The following DLG2 variants were observed in gnomAD, a reference collection of about 807,000 sequenced individuals.
The protein encoded by DLG2 is disks large homolog 2.
A neutral mutation model predicts 132.5 loss-of-function variants in DLG2; 45 were observed. The ratio of observed to expected loss-of-function variants is 0.34; its 90% confidence interval spans 0.27 to 0.44. The LOEUF is 0.44. Among genes scored for constraint, DLG2 ranks in the 20% least tolerant of loss-of-function variants. The pLI is 1.00. For synonymous variants in DLG2, 424 were observed against 419.6 expected (o/e 1.01, Z -0.13); for missense variants, 1,045 against 1,196.9 (o/e 0.87, Z 1.87).
rs534542429 is a variant in DLG2, at chr11:84,805,052, C to CA, written c.358-270322dup. On this transcript the variant is annotated intron_variant, in intron 6 of 27. Transcript: ENST00000376104. ...GAGAGTCAGAACTTTCATACCTGCC[C>CA]AAGAGTAAAAGTATTGCACCTTCCC... Among the ~76,000 whole-genome samples, 30 of 152,192 alleles carry CA rather than the reference C, an allele frequency of 2.0e-4. 1 individual carries two copies. The East Asian group carries it at 4.6e-3, about 23-fold the overall frequency.
intron 6 of DLG2, among the ~76,000 whole-genome samples, chr11:84,573,055 G>A (rs2099489554): frequency 6.6e-6 from 1 of 152,082 alleles, no homozygotes; most frequent in African/African-American, 2.4e-5. Context: ...AAATCTACTT[G>A]ACATATATTT....
intron 7 of DLG2, among the ~76,000 whole-genome samples, chr11:84,255,805 C>G (rs951081258): frequency 6.6e-6 from 1 of 151,894 alleles, no homozygotes. Flanking sequence ...TCTTTATATA[C>G]ATCTAGGCAA....
intron 18 of DLG2, among the ~76,000 whole-genome samples, chr11:83,746,634 A>T (rs1593527217): frequency 6.6e-6 from 1 of 152,200 alleles, no homozygotes; most frequent in East Asian, 1.9e-4. Context: ...GTAAATGACG[A>T]GTTACTGGGT....
chr11:84,306,340 G>T (rs1368352990), intron 7 of DLG2, among the ~76,000 whole-genome samples: 1 of 151,978 alleles, frequency 6.6e-6, no homozygotes, highest in East Asian at 1.9e-4. Flanking sequence ...CTATTAACAG[G>T]AGTCTCAAAT....
intron 3 of DLG2, among the ~76,000 whole-genome samples, chr11:85,330,737 C>T (rs1397308009): frequency 1.7e-5 from 2 of 114,842 alleles, no homozygotes; most frequent in Non-Finnish European, 1.8e-5. Flanking sequence ...TGTAACTAAC[C>T]TGCACAATGT....
At chr11:84,236,090 A>C (rs530668449) in intron 8 of DLG2, among the ~76,000 whole-genome samples, 1 of 151,556 alleles carries the variant, frequency 6.6e-6, no homozygotes, top group African/African-American at 2.4e-5. Context: ...GAGCTTAAGT[A>C]ATTTCCTCAA....
At chr11:84,484,620 G>T (rs1449492044) in intron 7 of DLG2, among the ~76,000 whole-genome samples, 4 of 152,116 alleles carry the variant, frequency 2.6e-5, no homozygotes, top group Admixed American at 2.0e-4. Flanking sequence ...TTCATCTCCA[G>T]CAGTATCTTG....
intron 21 of DLG2, among the ~76,000 whole-genome samples, chr11:83,499,774 C>A (rs1297417155): frequency 7.1e-6 from 1 of 139,930 alleles, no homozygotes; most frequent in Non-Finnish European, 1.5e-5. Context: ...AATAAACTCC[C>A]ATATATATAT....
intron 3 of DLG2, among the ~76,000 whole-genome samples, chr11:85,505,519 A>G (rs2093909502): frequency 6.6e-6 from 1 of 152,118 alleles, no homozygotes; most frequent in South Asian, 2.1e-4. Context: ...GATGAATTAC[A>G]TTTATTGATT....
At chr11:83,553,365 G>T (rs1478929048) in intron 19 of DLG2, among the ~76,000 whole-genome samples, 1 of 151,968 alleles carries the variant, frequency 6.6e-6, no homozygotes, top group East Asian at 1.9e-4. Context: ...TAAAATCAAG[G>T]ACAACCTAGA....
chr11:84,352,122 G>T (rs750309285), intron 7 of DLG2, among the ~76,000 whole-genome samples: 1 of 152,140 alleles, frequency 6.6e-6, no homozygotes, highest in Admixed American at 6.5e-5. Context: ...AGGAAGATGG[G>T]TTCCCACCAA....
chr11:84,008,011 T>C (rs1320945950), intron 11 of DLG2, among the ~76,000 whole-genome samples: 1 of 151,830 alleles, frequency 6.6e-6, no homozygotes, highest in Non-Finnish European at 1.5e-5. Flanking sequence ...ACCATTTACA[T>C]TTATTTAAAT....
chr11:84,825,809 C>T (rs772236781), intron 6 of DLG2, among the ~76,000 whole-genome samples: 1 of 151,900 alleles, frequency 6.6e-6, no homozygotes. Flanking sequence ...CACTTGTTCA[C>T]CTTCTTCATC....
rs557750865 is a variant in DLG2 at position 84,732,342 on chromosome 11, T to C, written c.358-197611A>G. ...GTTTATATTTTAAGAAACTGTTAAA[T>C]TGATTTTCAAAGTTCTTGTTTCATT... On this transcript the variant is annotated intron_variant, in intron 6 of 27. Coordinates refer to ENST00000376104, the MANE Select transcript of DLG2 (RefSeq NM_001142699.3). Among the ~76,000 whole-genome samples the C allele has an allele frequency of 7.0e-4, 107 of 152,180 alleles. 3 individuals carry two copies. The highest frequency in any genetic ancestry group is 1.9e-3 in the African/African-American group (79 of 41,556).
At chr11:84,923,286 C>T (rs2092845776) in intron 6 of DLG2, 16 of 1,454,062 alleles carry the variant, frequency 1.1e-5, no homozygotes, top group Non-Finnish European at 1.5e-5. Context: ...GTCTTGAAGG[C>T]ACTGAGTGAG....
chr11:85,291,408 T>TA (rs1330991494), intron 3 of DLG2, among the ~76,000 whole-genome samples: 1 of 152,110 alleles, frequency 6.6e-6, no homozygotes, highest in Non-Finnish European at 1.5e-5. Context: ...GCCTTCATGT[T>TA]ACCAGGCATA....
intron 6 of DLG2, among the ~76,000 whole-genome samples, chr11:84,622,085 A>C (rs1484606640): frequency 2.6e-5 from 4 of 152,146 alleles, no homozygotes; most frequent in African/African-American, 9.7e-5. Flanking sequence ...TGTTTGATAT[A>C]ATTTTGACTT....
At chr11:84,450,289 G>A (rs2099047889) in intron 7 of DLG2, among the ~76,000 whole-genome samples, 1 of 151,700 alleles carries the variant, frequency 6.6e-6, no homozygotes, top group Non-Finnish European at 1.5e-5. Context: ...ATAAATAAAA[G>A]CAGCAAGTTC....
At chr11:85,092,055 T>C (rs1177709327) in intron 6 of DLG2, among the ~76,000 whole-genome samples, 2 of 152,204 alleles carry the variant, frequency 1.3e-5, no homozygotes, top group Non-Finnish European at 1.5e-5. Context: ...AATGCATTTT[T>C]TAAATAATAA....
Sources: gnomAD v4.1 joint callset for allele counts (sites outside exome capture counted in the v4.1 genomes callset) on GRCh38, gnomAD v4.1.1 for gene constraint, MANE v1.5 for transcripts, NCBI Gene and HGNC (gene_info 2026-07-23, HGNC 2026-07-21) for gene names.